Variants in ASIC2 observed in about 807,000 individuals in gnomAD.
ASIC2 encodes acid sensing ion channel subunit 2, also known as acid-sensing ion channel 2.
In ASIC2, 25 loss-of-function variants were observed where a neutral mutation model predicts 57.3. The observed-to-expected ratio is 0.44, with a 90% CI of 0.32 to 0.61. The LOEUF (loss-of-function observed/expected upper bound fraction) is 0.61. Ranked by LOEUF, ASIC2 falls within the 20% of genes least tolerant of loss-of-function variation. The pLI, the probability that ASIC2 is intolerant of heterozygous loss-of-function variation, is 0.06. For synonymous variants in ASIC2, 319 were observed against 307.5 expected (o/e 1.04, Z -0.39); for missense variants, 641 against 738.1 (o/e 0.87, Z 1.52).
intron 1 of ASIC2, among the ~76,000 whole-genome samples, chr17:33,677,074 A>C (rs1034701948): frequency 1.4e-4 from 21 of 152,220 alleles, no homozygotes; most frequent in African/African-American, 5.1e-4. Flanking sequence ...CACTAGAATC[A>C]TGAACCAATT....
chr17:33,179,849 C>A (rs1208615900), intron 1 of ASIC2, among the ~76,000 whole-genome samples: 1 of 152,184 alleles, frequency 6.6e-6, no homozygotes, highest in African/African-American at 2.4e-5. Flanking sequence ...AATTTGTAAT[C>A]GTTTGTTGAC....
intron 1 of ASIC2, among the ~76,000 whole-genome samples, chr17:33,683,789 C>G (rs1446926042): frequency 1.3e-5 from 2 of 152,148 alleles, no homozygotes; most frequent in Non-Finnish European, 2.9e-5. Context: ...GCAATCCTCC[C>G]ACAATGAGAT....
intron 1 of ASIC2, among the ~76,000 whole-genome samples, chr17:34,028,122 T>C (rs1246935791): frequency 6.6e-6 from 1 of 152,174 alleles, no homozygotes; most frequent in Non-Finnish European, 1.5e-5. Flanking sequence ...TTGGTGTACC[T>C]GTAGATGTTA....
At chr17:33,140,743 G>A (rs1034546913) in intron 1 of ASIC2, among the ~76,000 whole-genome samples, 1 of 152,234 alleles carries the variant, frequency 6.6e-6, no homozygotes, top group African/African-American at 2.4e-5. Flanking sequence ...GCCTTGTCCT[G>A]AAAGAGACCC....
At chr17:33,282,886 C>T (rs1905014673) in intron 1 of ASIC2, among the ~76,000 whole-genome samples, 1 of 152,204 alleles carries the variant, frequency 6.6e-6, no homozygotes, top group Admixed American at 6.5e-5. Flanking sequence ...CCAGATAACC[C>T]AGGATATTCT....
At chr17:33,960,121 C>T (rs1243412768) in intron 1 of ASIC2, among the ~76,000 whole-genome samples, 1 of 152,208 alleles carries the variant, frequency 6.6e-6, no homozygotes, top group African/African-American at 2.4e-5. Context: ...TAAATTCAAT[C>T]AATGACAAGG....
chr17:33,510,268 T>A (rs1047230166), intron 1 of ASIC2, among the ~76,000 whole-genome samples: 1 of 152,194 alleles, frequency 6.6e-6, no homozygotes, highest in African/African-American at 2.4e-5. Flanking sequence ...AGATTCATCT[T>A]TCTAATTATT....
At chr17:33,340,564 A>C (rs1238201355) in intron 1 of ASIC2, among the ~76,000 whole-genome samples, 2 of 152,134 alleles carry the variant, frequency 1.3e-5, no homozygotes, top group Non-Finnish European at 2.9e-5. Flanking sequence ...CGAAAATATC[A>C]GATATGACCT....
rs1213458839 is a variant in ASIC2 at position 33,024,021 on chromosome 17, G to T, written c.1196-7C>A. The T allele has an allele frequency of 7.4e-6, 12 of 1,613,902 alleles. No individual in the cohort carries two copies. The highest frequency in any genetic ancestry group is 1.7e-5 in the Admixed American group (1 of 59,992). ...TCCTTTTCCGCCAACAGACCTGGAG[G>T]GGAGAGTGAGGTGGGGCTTAGTCAG... On this transcript the variant is annotated splice_polypyrimidine_tract_variant and splice_region_variant and intron_variant, in intron 5 of 9. Coordinates refer to ENST00000225823, the MANE Select transcript of ASIC2 (RefSeq NM_183377.2).
In ASIC2 at chr17:33,147,744, G is replaced by T. The variant is rs571848206; in HGVS notation, c.709-35677C>A. Among the ~76,000 whole-genome samples the T allele has an allele frequency of 1.1e-4, 17 of 152,310 alleles. No individual in the cohort carries two copies. In the South Asian group the frequency reaches 3.5e-3, roughly 32 times the overall value. On this transcript the variant is annotated intron_variant, in intron 1 of 9. Transcript: ENST00000225823. ...GTGCCAACTTAGACTCAGCTGGCATGCAGGGGAAGCAAGGAGACTAACATT... is the reference window on the plus strand; with the variant it reads ...GTGCCAACTTAGACTCAGCTGGCATTCAGGGGAAGCAAGGAGACTAACATT...
intron 1 of ASIC2, among the ~76,000 whole-genome samples, chr17:33,874,326 A>G (rs775238445): frequency 2.0e-5 from 3 of 152,252 alleles, no homozygotes; most frequent in Non-Finnish European, 4.4e-5. Context: ...AATACAGGAC[A>G]TCAACTAAAT....
intron 1 of ASIC2, among the ~76,000 whole-genome samples, chr17:33,972,496 C>T (rs370584637): frequency 7.7e-4 from 117 of 152,266 alleles, no homozygotes; most frequent in Middle Eastern, 6.8e-3. Context: ...AGGACTGGTC[C>T]AGCTATGTGG....
intron 1 of ASIC2, among the ~76,000 whole-genome samples, chr17:33,184,439 C>G (rs1906106829): frequency 6.6e-6 from 1 of 152,180 alleles, no homozygotes; most frequent in Non-Finnish European, 1.5e-5. Flanking sequence ...ACCCAGCCCC[C>G]AGCCTTATGC....
chr17:33,890,245 C>T (rs540170915), intron 1 of ASIC2, among the ~76,000 whole-genome samples: 2 of 152,310 alleles, frequency 1.3e-5, no homozygotes, highest in Admixed American at 1.3e-4. Context: ...GGACAGCTCT[C>T]TATTTGCTGA....
At chr17:33,873,245 T>C (rs1914465944) in intron 1 of ASIC2, among the ~76,000 whole-genome samples, 1 of 152,200 alleles carries the variant, frequency 6.6e-6, no homozygotes, top group Non-Finnish European at 1.5e-5. Context: ...ATTATCCCCC[T>C]TCCCAGTAAC....
At chr17:33,823,837 T>A (rs1478873367) in intron 1 of ASIC2, among the ~76,000 whole-genome samples, 1 of 152,156 alleles carries the variant, frequency 6.6e-6, no homozygotes, top group Non-Finnish European at 1.5e-5. Context: ...ATGCCCATGT[T>A]TTGGTGTTTT....
chr17:33,344,702 C>T lies in ASIC2; in HGVS notation c.556-232635G>A, dbSNP rs566994356. Among the ~76,000 whole-genome samples, 8 of 152,206 alleles carry T rather than the reference C, an allele frequency of 5.3e-5. No individual in the cohort carries two copies. In the South Asian group the frequency reaches 1.5e-3, roughly 28 times the overall value. ...ATAGTAGATCTCTCTGTGGTCTCTC[C>T]TCCCACTTAACCCTGCTCACACATT... On this transcript the variant is annotated intron_variant, in intron 1 of 9. Coordinates refer to the ASIC2 transcript ENST00000359872.
At chr17:33,856,124 A>G (rs866836758) in intron 1 of ASIC2, among the ~76,000 whole-genome samples, 6 of 152,196 alleles carry the variant, frequency 3.9e-5, no homozygotes, top group Non-Finnish European at 8.8e-5. Flanking sequence ...AAGGCACTGT[A>G]CACAGAGAGG....
At chr17:33,109,488 G>C (rs1330595616) in intron 2 of ASIC2, among the ~76,000 whole-genome samples, 2 of 152,136 alleles carry the variant, frequency 1.3e-5, no homozygotes, top group African/African-American at 4.8e-5. Context: ...AGTCTCAAAG[G>C]AAATCGTCTA....
Sources: gnomAD v4.1 joint callset for allele counts (sites outside exome capture counted in the v4.1 genomes callset) on GRCh38, gnomAD v4.1.1 for gene constraint, MANE v1.5 for transcripts, NCBI Gene and HGNC (gene_info 2026-07-23, HGNC 2026-07-21) for gene names.